Variants in HORMAD1 observed in about 807,000 individuals in gnomAD.
The protein encoded by HORMAD1 is HORMA domain containing 1.
In HORMAD1, 33 loss-of-function variants were observed where a neutral mutation model predicts 58.2. That is an observed-to-expected ratio of 0.57 (90% CI 0.43 to 0.76). The LOEUF (loss-of-function observed/expected upper bound fraction) is 0.76. Ranked by LOEUF, HORMAD1 falls within the 30% of genes least tolerant of loss-of-function variation. The pLI is 0.00. For synonymous variants in HORMAD1, 137 were observed against 144.6 expected, an observed-to-expected ratio of 0.95 and a Z score of 0.38; for missense variants, 363 against 462.0, an observed-to-expected ratio of 0.79 and a Z score of 1.96.
intron 7 of HORMAD1, among the ~76,000 whole-genome samples, chr1:150,709,867 T>A (rs587595511): frequency 5.8e-4 from 89 of 152,264 alleles, no homozygotes; most frequent in South Asian, 4.2e-3. Flanking sequence ...GTTTGGGTGG[T>A]GAGAAACAAA....
chr1:150,698,190 T>C lies in HORMAD1; in HGVS notation c.*464A>G, dbSNP rs1651425673. On this transcript the variant is annotated 3_prime_UTR_variant, in exon 15 of 15. Coordinates refer to ENST00000361824, the MANE Select transcript of HORMAD1 (RefSeq NM_032132.5). ...TTAAATTGTACATTATATATTAAAA[T>C]GTTAATACATTATGTCAAAATATTG... 6.6e-6 allele frequency: 1 copy of C among 152,288 alleles called. No individual in the cohort carries two copies. Among genetic ancestry groups the C allele is most frequent in the African/African-American group, 2.4e-5 (1 of 41,444 alleles). 9.4% of individuals were successfully genotyped at this position (152,288 alleles called of 1,614,324 possible). A position where few individuals can be genotyped will look rare whatever the true frequency, so the allele number is the denominator to read the frequency against.
chr1:150,706,338 CA>C (rs1651690319), intron 10 of HORMAD1, among the ~76,000 whole-genome samples: 2 of 152,270 alleles, frequency 1.3e-5, no homozygotes, highest in South Asian at 4.1e-4. Flanking sequence ...CTACTTCAAC[CA>C]GAATAGTTGT....
At chr1:150,712,231 C>T (rs1651923963) in intron 5 of HORMAD1, among the ~76,000 whole-genome samples, 1 of 152,056 alleles carries the variant, frequency 6.6e-6, no homozygotes, top group Non-Finnish European at 1.5e-5. Flanking sequence ...GTTCAGGGCC[C>T]TATGAATTCA....
In HORMAD1 at chr1:150,720,838, G is replaced by A. The variant is rs1281301801; in HGVS notation, c.-68C>T. 3 of 152,250 alleles carry A rather than the reference G, an allele frequency of 2.0e-5. No homozygotes were observed. Among genetic ancestry groups the A allele is most frequent in the African/African-American group, 7.2e-5 (3 of 41,462 alleles). 9.4% of individuals were successfully genotyped at this position (152,250 alleles called of 1,614,324 possible). On this transcript the variant is annotated 5_prime_UTR_variant, in exon 1 of 15. Coordinates refer to ENST00000361824, the MANE Select transcript of HORMAD1 (RefSeq NM_032132.5). ...GAGGGGCGGGCGCCGGAGACCAGAA[G>A]AGCTGCACGAGGCTGCACGCGCTGT... is the stretch of plus-strand genomic sequence containing the variant.
In HORMAD1 at chr1:150,717,146, T is replaced by G. The variant is rs938884222; in HGVS notation, c.170A>C (p.Tyr57Ser). The change falls in exon 3 of 15, where the codon TAT becomes TCT. Residue 57 changes from tyrosine to serine, a missense_variant. Transcript: ENST00000361824. Reference sequence around the variant, plus strand: ...AATAAATATTGTATTACCATCTAGATATCTTGTTCCATAAGCGCATTCTGG... The same window carrying G: ...AATAAATATTGTATTACCATCTAGAGATCTTGTTCCATAAGCGCATTCTGG... Reference protein sequence around the residue: ...IFPECAYGTRYLDDLCVKILR... With the variant: ...IFPECAYGTRSLDDLCVKILR... 6.4e-7 allele frequency: 1 copy of G among 1,556,090 alleles called. No homozygotes were observed. The highest frequency in any genetic ancestry group is 1.4e-5 in the African/African-American group (1 of 72,564).
At chr1:150,704,956 T>C (rs992366880) in intron 10 of HORMAD1, among the ~76,000 whole-genome samples, 2 of 151,726 alleles carry the variant, frequency 1.3e-5, no homozygotes, top group African/African-American at 4.8e-5. Flanking sequence ...GGCAGGAGAA[T>C]ACCTTGAACC....
intron 3 of HORMAD1, among the ~76,000 whole-genome samples, chr1:150,715,027 C>T (rs1652026735): frequency 6.6e-6 from 1 of 151,990 alleles, no homozygotes; most frequent in African/African-American, 2.4e-5. Context: ...TCAGGTGACC[C>T]GCCTGCCTCA....
chr1:150,707,319 C>A (rs1180793864), intron 9 of HORMAD1, among the ~76,000 whole-genome samples: 2 of 152,146 alleles, frequency 1.3e-5, no homozygotes, highest in African/African-American at 2.4e-5. Context: ...CTGGTTTTAA[C>A]TTAATAATAT....
At chr1:150,717,615 G>T (rs1362715509) in intron 2 of HORMAD1, among the ~76,000 whole-genome samples, 2 of 152,044 alleles carry the variant, frequency 1.3e-5, no homozygotes, top group Admixed American at 6.6e-5. Flanking sequence ...TTGGATGCAA[G>T]TTGATGGGCA....
chr1:150,707,907 G>C (rs1259624736), intron 9 of HORMAD1, among the ~76,000 whole-genome samples: 1 of 152,132 alleles, frequency 6.6e-6, no homozygotes, highest in Non-Finnish European at 1.5e-5. Context: ...CTGCACTCCA[G>C]CCTGGGAGAC....
chr1:150,709,979 C>T (rs1336542093), intron 7 of HORMAD1, among the ~76,000 whole-genome samples: 3 of 152,152 alleles, frequency 2.0e-5, no homozygotes, highest in South Asian at 4.1e-4. Context: ...TCCTTATTAT[C>T]ACCCTGCCCT....
rs587698783 is a variant in HORMAD1, at chr1:150,713,468, G to A, written c.279+617C>T. The stretch of plus-strand genomic sequence containing the variant: ...GGAGAATGGCGTGAACCTGGGAGGC[G>A]GAGCTTGCAGTAAGCCGAGATGGTG... On this transcript the variant is annotated intron_variant, in intron 5 of 14. Coordinates refer to ENST00000361824, the MANE Select transcript of HORMAD1 (RefSeq NM_032132.5). Among the ~76,000 whole-genome samples the A allele has an allele frequency of 4.6e-5, 7 of 151,926 alleles. No individual in the cohort carries two copies. In the South Asian group the frequency reaches 8.3e-4, roughly 18 times the overall value.
Position 150,714,647 on chromosome 1 carries a change from T to G in HORMAD1, c.210A>C (p.Lys70Asn). 6.9e-7 allele frequency: 1 copy of G among 1,456,858 alleles called. No individual in the cohort carries two copies. 90.2% of individuals were successfully genotyped at this position (1,456,858 alleles called of 1,614,324 possible). A position where few individuals can be genotyped will look rare whatever the true frequency, so the allele number is the denominator to read the frequency against. The change falls in exon 4 of 15, where the codon AAA becomes AAC. Residue 70 changes from lysine to asparagine, a missense_variant. Lys to Asn is a moderately conservative substitution (Grantham distance 94). Transcript: ENST00000361824. ...CTAACTGTGTAGATCCTGGGCAATT[T>G]TTATCTTCTCTCAGTATTTTGACAC... ...DLCVKILRED[K>N]NCPGSTQLVK...
chr1:150,706,733 C>T lies in HORMAD1; in HGVS notation c.624G>A (p.Met208Ile), dbSNP rs766804728. The T allele has an allele frequency of 1.2e-6, 2 of 1,613,510 alleles. No individual in the cohort carries two copies. The highest frequency in any genetic ancestry group is 1.7e-4 in the Middle Eastern group (1 of 6,056). The change falls in exon 10 of 15, where the codon ATG (methionine) becomes ATA (isoleucine). Residue 208 changes from methionine (M) to isoleucine (I), a missense_variant. By Grantham distance (10) the Met-to-Ile change is conservative. Around this residue, in one of 3 missense-constraint regions of HORMAD1, gnomAD observed 226 missense variants for 257.8 expected, o/e 0.88. Coordinates refer to ENST00000361824, the MANE Select transcript of HORMAD1 (RefSeq NM_032132.5). ...TTGAGACTTCTCCCACATTTAAATA[C>T]ATAGGTTCCCCTTCAAATATAACTC... ...CEGVIFEGEP[M>I]YLNVGEVSTP...
At position 150,698,735 on chromosome 1, in the gene HORMAD1, CT is replaced by C; in HGVS notation, c.1105-2del. On this transcript the variant is annotated splice_acceptor_variant, in intron 14 of 14. Coordinates refer to ENST00000361824, the MANE Select transcript of HORMAD1 (RefSeq NM_032132.5). LOFTEE classifies it high-confidence loss of function. ...TAGAAGAATCAAAGTGATGGAGGAC[CT>C]GTCAAAAGAAAACAACTACTAAGAA... The C allele has an allele frequency of 6.4e-7, 1 of 1,571,242 alleles. No individual in the cohort carries two copies. Among genetic ancestry groups the C allele is most frequent in the Non-Finnish European group, 8.7e-7 (1 of 1,148,124 alleles).
chr1:150,714,213 T>C lies in HORMAD1; in HGVS notation c.243-92A>G, dbSNP rs587632979. The C allele has an allele frequency of 1.1e-5, 8 of 754,236 alleles. 1 individual carries two copies. The South Asian group carries it at 1.5e-4, about 14-fold the overall frequency. 46.7% of individuals were successfully genotyped at this position (754,236 alleles called of 1,614,324 possible). A position where few individuals can be genotyped will look rare whatever the true frequency, so the allele number is the denominator to read the frequency against. On this transcript the variant is annotated intron_variant, in intron 4 of 14. Coordinates refer to ENST00000361824, the MANE Select transcript of HORMAD1 (RefSeq NM_032132.5). The stretch of plus-strand genomic sequence containing the variant: ...ATTTCCATATTATCTCATTACTAAA[T>C]AATACAAAAATGTCTTATTAAAGCT...
chr1:150,704,524 T>C (rs1360970954), intron 10 of HORMAD1, among the ~76,000 whole-genome samples, 181 bp from the exon 11 acceptor site: 1 of 152,038 alleles, frequency 6.6e-6, no homozygotes, highest in East Asian at 1.9e-4. Context: ...GGAGGGAGGA[T>C]TGCTTGAGAC....
chr1:150,718,344 A>ATTT (rs34258924), intron 2 of HORMAD1, among the ~76,000 whole-genome samples: 14 of 125,862 alleles, frequency 1.1e-4, no homozygotes, highest in South Asian at 2.7e-4. Context: ...TGCCTGGCTA[A>ATTT]TTTTTTTTTT....
At chr1:150,701,133 C>G (rs773623854) in intron 13 of HORMAD1, among the ~76,000 whole-genome samples, 20 of 152,038 alleles carry the variant, frequency 1.3e-4, no homozygotes, top group Non-Finnish European at 2.1e-4. Context: ...AGTTCATATC[C>G]AAAAACATGT....
Sources: allele counts gnomAD v4.1 joint callset (sites outside exome capture counted in the v4.1 genomes callset), GRCh38; gene constraint gnomAD v4.1.1; regional missense constraint gnomAD v4.1.1; transcripts MANE v1.5; gene names NCBI Gene and HGNC (gene_info 2026-07-23, HGNC 2026-07-21).